The following DPP10 variants were observed in gnomAD, a reference collection of about 807,000 sequenced individuals.
DPP10 encodes inactive dipeptidyl peptidase 10.
Under a neutral mutation model 120.9 loss-of-function variants are expected in DPP10, and 33 were observed. The ratio of observed to expected loss-of-function variants is 0.27; its 90% CI spans 0.21 to 0.37. The LOEUF is 0.37. DPP10 is among the 10% of genes least tolerant of loss of function. The probability of loss-of-function intolerance (pLI) is 1.00; values close to 1 mark genes in which losing one functional copy is unlikely to be tolerated. For missense variants in DPP10, 816 were observed against 942.8 expected (o/e 0.87, Z 1.76); for synonymous variants, 337 against 326.1 (o/e 1.03, Z -0.36).
At chr2:115,117,782 T>C (rs1244195648) in intron 1 of DPP10, among the ~76,000 whole-genome samples, 1 of 152,204 alleles carries the variant, frequency 6.6e-6, no homozygotes, top group African/African-American at 2.4e-5. Flanking sequence ...AAGAAACAGA[T>C]ACAACTAGAC....
chr2:115,662,885 G>T (rs1283087559), intron 5 of DPP10, among the ~76,000 whole-genome samples: 1 of 152,142 alleles, frequency 6.6e-6, no homozygotes, highest in Non-Finnish European at 1.5e-5. Context: ...TTCTAGCTTA[G>T]GTCCTGGCTC....
intron 3 of DPP10, among the ~76,000 whole-genome samples, chr2:115,411,499 G>A (rs896281927): frequency 2.6e-5 from 4 of 152,134 alleles, no homozygotes; most frequent in African/African-American, 7.2e-5. Flanking sequence ...GTAAAGTATT[G>A]AAAGGGGGAG....
chr2:114,554,457 A>T (rs1309868672), intron 1 of DPP10, among the ~76,000 whole-genome samples: 3 of 152,304 alleles, frequency 2.0e-5, no homozygotes, highest in Middle Eastern at 6.8e-3. Context: ...GTGTGATCAG[A>T]TGATGTATGA....
chr2:114,460,272 AT>A (rs1278184372), intron 1 of DPP10, among the ~76,000 whole-genome samples: 1 of 152,092 alleles, frequency 6.6e-6, no homozygotes, highest in African/African-American at 2.4e-5. Flanking sequence ...CTAAAAAAGT[AT>A]TTTTGGAAAC....
At chr2:115,243,294 T>G (rs933469520) in intron 1 of DPP10, among the ~76,000 whole-genome samples, 1 of 152,146 alleles carries the variant, frequency 6.6e-6, no homozygotes, top group Non-Finnish European at 1.5e-5. Context: ...GATGGGCCCA[T>G]TAACCCTACT....
intron 1 of DPP10, among the ~76,000 whole-genome samples, chr2:114,810,721 C>A (rs942506003): frequency 6.6e-6 from 1 of 151,902 alleles, no homozygotes; most frequent in Admixed American, 6.6e-5. Context: ...TTGCTGATAC[C>A]CACTTTGGGA....
intron 1 of DPP10, among the ~76,000 whole-genome samples, chr2:114,486,926 A>G (rs999250909): frequency 1.3e-5 from 2 of 152,198 alleles, no homozygotes; most frequent in African/African-American, 4.8e-5. Flanking sequence ...TTCTGAATCC[A>G]TAAATTTGGT....
chr2:115,540,739 T>G (rs2079126613), intron 5 of DPP10, among the ~76,000 whole-genome samples: 1 of 151,882 alleles, frequency 6.6e-6, no homozygotes, highest in Non-Finnish European at 1.5e-5. Context: ...GTCCATAATA[T>G]TTCAAATACA....
chr2:115,256,452 G>A (rs868564279), intron 1 of DPP10, among the ~76,000 whole-genome samples: 2 of 152,222 alleles, frequency 1.3e-5, no homozygotes, highest in Non-Finnish European at 2.9e-5. Flanking sequence ...TGAAGCAGCA[G>A]ACTGAGCAGT....
chr2:114,692,112 T>TTG (rs1320478892), intron 1 of DPP10, among the ~76,000 whole-genome samples: 1 of 152,130 alleles, frequency 6.6e-6, no homozygotes, highest in Non-Finnish European at 1.5e-5. Context: ...TGGTTATTTC[T>TTG]TGTCTTTTCC....
intron 7 of DPP10, among the ~76,000 whole-genome samples, chr2:115,709,460 C>A (rs1057341939): frequency 9.2e-5 from 14 of 151,788 alleles, no homozygotes; most frequent in African/African-American, 2.9e-4. Context: ...AAAATAAATG[C>A]AAAAGGAATA....
intron 2 of DPP10, among the ~76,000 whole-genome samples, chr2:115,326,303 T>C (rs1279356639): frequency 6.6e-6 from 1 of 152,076 alleles, no homozygotes; most frequent in Non-Finnish European, 1.5e-5. Flanking sequence ...AAGGTCATAG[T>C]AGCATGATTC....
chr2:114,527,317 A>G (rs1685586619), intron 1 of DPP10, among the ~76,000 whole-genome samples: 1 of 152,154 alleles, frequency 6.6e-6, no homozygotes, highest in Non-Finnish European at 1.5e-5. Context: ...GGGAGTCCTT[A>G]TGGATCAGAG....
chr2:114,863,614 G>A (rs1180198227), intron 1 of DPP10, among the ~76,000 whole-genome samples: 2 of 152,150 alleles, frequency 1.3e-5, no homozygotes, highest in Non-Finnish European at 2.9e-5. Context: ...AGAGGCAGAA[G>A]CCACGAAGCA....
chr2:115,343,888 G>A lies in DPP10; in HGVS notation c.247G>A (p.Asp83Asn), dbSNP rs147078556. ...DLFRKDFVLH[D>N]PEARWINDTD... is the part of the protein sequence containing the mutation. The stretch of plus-strand genomic sequence containing the variant: ...CTTTAGGAAAGACTTTGTGCTTCAC[G>A]ATCCAGAGGCTCGGTGGATCAATGG... The change falls in exon 3 of 26, where the codon GAT becomes AAT. Residue 83 changes from aspartate (D) to asparagine (N), a missense_variant. Physicochemically the swap from Asp to Asn is conservative, Grantham distance 23 (BLOSUM62 1). Transcript: ENST00000410059. 5 of 1,611,356 alleles carry A rather than the reference G, an allele frequency of 3.1e-6. No individual in the cohort carries two copies. The highest frequency in any genetic ancestry group is 3.4e-6 in the Non-Finnish European group (4 of 1,178,718).
At chr2:115,047,865 A>G (rs1396292075) in intron 1 of DPP10, among the ~76,000 whole-genome samples, 1 of 152,110 alleles carries the variant, frequency 6.6e-6, no homozygotes, top group Non-Finnish European at 1.5e-5. Context: ...TCACCTGCTT[A>G]TCTAAATGTG....
At chr2:114,818,917 AGC>A (rs1391714148) in intron 1 of DPP10, among the ~76,000 whole-genome samples, 1 of 152,196 alleles carries the variant, frequency 6.6e-6, no homozygotes, top group Admixed American at 6.5e-5. Flanking sequence ...AATTTCTTCA[AGC>A]AACTATATGT....
chr2:115,840,795 T>C lies in DPP10; in HGVS notation c.2228T>C (p.Ile743Thr). 6.2e-7 allele frequency: 1 copy of C among 1,613,842 alleles called. No individual in the cohort carries two copies. Among genetic ancestry groups the C allele is most frequent in the South Asian group, 1.1e-5 (1 of 91,070 alleles). ...TCAGCAGAATTAATCAAGCACCTAA[T>C]AAAAGCTGGAGTGAATTATACTATG... ...QHSAELIKHL[I>T]KAGVNYTMQV... Residue 743 changes from isoleucine (I) to threonine (T), a missense_variant, in exon 25 of 26, where the codon ATA (isoleucine) becomes ACA (threonine). Ile to Thr is a moderately conservative substitution (Grantham distance 89). Transcript: ENST00000410059.
intron 1 of DPP10, among the ~76,000 whole-genome samples, chr2:115,173,448 G>A (rs1337995209): frequency 6.6e-6 from 1 of 152,128 alleles, no homozygotes; most frequent in Non-Finnish European, 1.5e-5. Context: ...GAGTCATTCT[G>A]TAACAAGAAA....
Sources: gnomAD v4.1 joint callset for allele counts (sites outside exome capture counted in the v4.1 genomes callset) on GRCh38, gnomAD v4.1.1 for gene constraint, MANE v1.5 for transcripts, NCBI Gene and HGNC (gene_info 2026-07-23, HGNC 2026-07-21) for gene names.